PHACTR1: variants seen among roughly 807,000 people sequenced by gnomAD.
PHACTR1 encodes the protein phosphatase and actin regulator 1.
Under a neutral mutation model 69.2 loss-of-function variants are expected in PHACTR1, and 16 were observed. The observed-to-expected ratio is 0.23, with a 90% CI of 0.16 to 0.35. The LOEUF (loss-of-function observed/expected upper bound fraction) is 0.35, where lower values mean the gene tolerates loss of function less well. Ranked by LOEUF, PHACTR1 falls within the 10% of genes least tolerant of loss-of-function variation. The pLI is 1.00. For missense variants in PHACTR1, 510 were observed against 734.7 expected (o/e 0.69, Z 3.54); for synonymous variants, 312 against 284.5 (o/e 1.10, Z -0.97).
chr6:12,947,196 A>G (rs1034128400), intron 4 of PHACTR1, among the ~76,000 whole-genome samples: 2 of 152,180 alleles, frequency 1.3e-5, no homozygotes, highest in African/African-American at 4.8e-5. Flanking sequence ...AGGAATACCC[A>G]TAAATTACCA....
intron 5 of PHACTR1, among the ~76,000 whole-genome samples, chr6:13,136,184 T>C (rs991160960): frequency 6.6e-6 from 1 of 151,904 alleles, no homozygotes; most frequent in Non-Finnish European, 1.5e-5. Flanking sequence ...AAAATGAACG[T>C]ATCCTAAAAA....
intron 8 of PHACTR1, among the ~76,000 whole-genome samples, chr6:13,223,080 C>A (rs1342186243): frequency 6.6e-6 from 1 of 151,996 alleles, no homozygotes; most frequent in African/African-American, 2.4e-5. Flanking sequence ...GATTTACATA[C>A]AAAACCTGTT....
At chr6:12,898,627 C>A (rs1784909184) in intron 4 of PHACTR1, among the ~76,000 whole-genome samples, 1 of 152,330 alleles carries the variant, frequency 6.6e-6, no homozygotes. Flanking sequence ...GACATTGACT[C>A]GCACTGGGAC....
chr6:13,161,305 C>T (rs1330549082), intron 6 of PHACTR1, among the ~76,000 whole-genome samples: 1 of 152,136 alleles, frequency 6.6e-6, no homozygotes, highest in Non-Finnish European at 1.5e-5. Context: ...AACTTGCATG[C>T]GTGCACCTTC....
intron 7 of PHACTR1, among the ~76,000 whole-genome samples, chr6:13,202,631 C>T (rs2113855765): frequency 6.6e-6 from 1 of 152,310 alleles, no homozygotes; most frequent in African/African-American, 2.4e-5. Flanking sequence ...GCACCTGCCA[C>T]CACACCCAGC....
chr6:13,253,516 C>T lies in PHACTR1; in HGVS notation c.1392-19344C>T, dbSNP rs60163154. ...TATAGCAAACACCAGAACTTCCTCT[C>T]TTTATTTGATCACTCTTTGTCCTTG... On this transcript the variant is annotated intron_variant, in intron 10 of 14. Transcript: ENST00000332995. Among the ~76,000 whole-genome samples the T allele has an allele frequency of 3.4e-3, 519 of 152,322 alleles. 5 individuals carry two copies. Among genetic ancestry groups the T allele is most frequent in the African/African-American group, 0.012 (507 of 41,562 alleles).
chr6:13,228,093 T>C, intron 9 of PHACTR1, 30 bp downstream of exon 9: 1 of 1,591,036 alleles, frequency 6.3e-7, no homozygotes, highest in Non-Finnish European at 8.5e-7. Context: ...TCACCAGGGG[T>C]GGGGAAGCAT....
At chr6:12,860,547 T>A (rs1780836707) in intron 4 of PHACTR1, among the ~76,000 whole-genome samples, 1 of 152,198 alleles carries the variant, frequency 6.6e-6, no homozygotes, top group South Asian at 2.1e-4. Context: ...GTATTTCTGG[T>A]GCTAGATCCT....
chr6:13,130,395 C>T (rs1300588711), intron 5 of PHACTR1, among the ~76,000 whole-genome samples: 1 of 151,832 alleles, frequency 6.6e-6, no homozygotes, highest in Non-Finnish European at 1.5e-5. Flanking sequence ...AAAAGATAAA[C>T]AAATTTGATA....
chr6:13,007,476 T>G (rs971354152), intron 4 of PHACTR1, among the ~76,000 whole-genome samples: 1 of 152,150 alleles, frequency 6.6e-6, no homozygotes, highest in African/African-American at 2.4e-5. Context: ...TGAGCAGCAA[T>G]ACCTAATCCT....
At chr6:12,949,269 CAAA>C (rs201027793) in intron 4 of PHACTR1, among the ~76,000 whole-genome samples, 4 of 57,028 alleles carry the variant, frequency 7.0e-5, no homozygotes, top group Non-Finnish European at 1.0e-4. Context: ...AACGTCATCT[CAAA>C]AAAAAAAAAA....
At chr6:13,178,819 T>A (rs911307014) in intron 6 of PHACTR1, among the ~76,000 whole-genome samples, 1 of 152,224 alleles carries the variant, frequency 6.6e-6, no homozygotes, top group African/African-American at 2.4e-5. Context: ...AAGATGGTGA[T>A]GACCTAGCTA....
chr6:12,756,787 T>A (rs765360393), intron 4 of PHACTR1, among the ~76,000 whole-genome samples: 5 of 152,228 alleles, frequency 3.3e-5, no homozygotes, highest in Non-Finnish European at 7.3e-5. Flanking sequence ...TTGCCATTTG[T>A]AGACATGGAA....
chr6:12,846,723 G>T (rs75874138), intron 4 of PHACTR1, among the ~76,000 whole-genome samples: 1 of 144,950 alleles, frequency 6.9e-6, no homozygotes, highest in Admixed American at 7.0e-5. Context: ...TGCTTCTTTC[G>T]TCCTTTTTTT....
At chr6:13,181,962 G>A (rs563524292) in intron 6 of PHACTR1, among the ~76,000 whole-genome samples, 4 of 152,190 alleles carry the variant, frequency 2.6e-5, no homozygotes, top group East Asian at 3.9e-4. Flanking sequence ...GGCCGGGCGC[G>A]GTGGCTTATG....
intron 4 of PHACTR1, among the ~76,000 whole-genome samples, chr6:12,809,108 A>T (rs1032285116): frequency 2.0e-5 from 3 of 151,956 alleles, no homozygotes; most frequent in Non-Finnish European, 4.4e-5. Context: ...GGCTGGTCTC[A>T]AACTCCCGGG....
At chr6:13,082,777 C>G (rs1031820739) in intron 5 of PHACTR1, among the ~76,000 whole-genome samples, 1 of 152,096 alleles carries the variant, frequency 6.6e-6, no homozygotes, top group Admixed American at 6.5e-5. Flanking sequence ...TATCCTTCAC[C>G]CACTTTTTGA....
chr6:13,258,034 A>G (rs1437982410), intron 10 of PHACTR1, among the ~76,000 whole-genome samples: 1 of 152,166 alleles, frequency 6.6e-6, no homozygotes. Context: ...GCAGGTTTGA[A>G]TTACCTGCAA....
chr6:12,800,499 G>A (rs980723121), intron 4 of PHACTR1, among the ~76,000 whole-genome samples: 7 of 152,250 alleles, frequency 4.6e-5, no homozygotes, highest in African/African-American at 1.7e-4. Flanking sequence ...AGTTAAAAGA[G>A]TGACTCCTAA....
Sources: allele counts gnomAD v4.1 joint callset (sites outside exome capture counted in the v4.1 genomes callset), GRCh38; gene constraint gnomAD v4.1.1; transcripts MANE v1.5; gene names NCBI Gene and HGNC (gene_info 2026-07-23, HGNC 2026-07-21).